PSD3: variants seen among roughly 807,000 people sequenced by gnomAD.
PSD3 encodes the protein PH and SEC7 domain-containing protein 3.
A neutral mutation model predicts 105.5 loss-of-function variants in PSD3; 49 were observed. The ratio of observed to expected loss-of-function variants is 0.46; its 90% confidence interval spans 0.37 to 0.59. PSD3 has a LOEUF of 0.59. Ranked by LOEUF, PSD3 falls within the 20% of genes least tolerant of loss-of-function variation. The pLI is 0.00. For synonymous variants in PSD3, 557 were observed against 457.8 expected (o/e 1.22, Z -2.77); for missense variants, 1,561 against 1,263.8 (o/e 1.24, Z -3.57).
At chr8:18,812,158 A>G (rs892929436) in intron 4 of PSD3, among the ~76,000 whole-genome samples, 1 of 152,204 alleles carries the variant, frequency 6.6e-6, no homozygotes, top group African/African-American at 2.4e-5. Flanking sequence ...TATGACGTCA[A>G]AAGGAATATA....
intron 11 of PSD3, among the ~76,000 whole-genome samples, chr8:18,618,912 G>T (rs550893721): frequency 6.6e-6 from 1 of 151,948 alleles, no homozygotes; most frequent in African/African-American, 2.4e-5. Flanking sequence ...GGTGGAATAC[G>T]CTTATCCATG....
chr8:18,731,117 G>T (rs1468104003), intron 9 of PSD3, among the ~76,000 whole-genome samples: 2 of 151,534 alleles, frequency 1.3e-5, no homozygotes, highest in East Asian at 1.9e-4. Flanking sequence ...TTAGCTGGAC[G>T]TGGGGGCGGG....
At chr8:18,846,433 A>G (rs1294071859) in intron 4 of PSD3, among the ~76,000 whole-genome samples, 1 of 152,190 alleles carries the variant, frequency 6.6e-6, no homozygotes, top group Non-Finnish European at 1.5e-5. Context: ...AACAGTTTCT[A>G]CCACGCCCTG....
At chr8:18,828,690 G>A (rs1479519287) in intron 4 of PSD3, among the ~76,000 whole-genome samples, 1 of 152,128 alleles carries the variant, frequency 6.6e-6, no homozygotes, top group Non-Finnish European at 1.5e-5. Flanking sequence ...GCTGGGCGAG[G>A]TGGCTCATGC....
intron 1 of PSD3, among the ~76,000 whole-genome samples, chr8:19,035,043 T>C (rs926795951): frequency 3.9e-5 from 6 of 152,160 alleles, no homozygotes; most frequent in Non-Finnish European, 5.9e-5. Context: ...AGAGTAATGA[T>C]TGCAGATGAA....
intron 12 of PSD3, among the ~76,000 whole-genome samples, chr8:18,588,502 C>T (rs925789737): frequency 6.6e-6 from 1 of 152,148 alleles, no homozygotes; most frequent in Non-Finnish European, 1.5e-5. Context: ...TACAGCTATG[C>T]TAGCATTCTT....
At chr8:18,761,150 T>C (rs55709555) in intron 9 of PSD3, among the ~76,000 whole-genome samples, 3,432 of 152,254 alleles carry the variant, frequency 0.023, 66 homozygotes, top group Middle Eastern at 0.051. Flanking sequence ...GGAAGAAGGA[T>C]AGGCCCAGGA....
rs1167762762 is a variant in PSD3 at position 18,867,988 on chromosome 8, C to G, written c.1320G>C (p.Val440=). 1.2e-6 allele frequency: 2 copies of G among 1,614,196 alleles called. No individual in the cohort carries two copies. The highest frequency in any genetic ancestry group is 1.1e-5 in the South Asian group (1 of 91,088). Residue 440 remains valine (V), a synonymous_variant, in exon 4 of 16, where the codon GTG becomes GTC. Coordinates refer to ENST00000327040, the MANE Select transcript of PSD3 (RefSeq NM_015310.4). ...AAATGGTTTCAAACTGGGAGCTGTA[C>G]ACGTCGGTGGAGTCCTCCGTATATC... ...GPGYTEDSTD[V]YSSQFETILD...
chr8:18,918,912 T>C (rs550629146), intron 2 of PSD3, among the ~76,000 whole-genome samples: 1 of 152,232 alleles, frequency 6.6e-6, no homozygotes, highest in East Asian at 1.9e-4. Flanking sequence ...GAAGACTATC[T>C]GGTCTTGCAA....
chr8:18,685,247 T>G (rs1800601805), intron 9 of PSD3, among the ~76,000 whole-genome samples: 1 of 152,132 alleles, frequency 6.6e-6, no homozygotes, highest in South Asian at 2.1e-4. Flanking sequence ...GATAATTAAT[T>G]TTTTAAAAAA....
At chr8:18,930,553 T>C (rs890607985) in intron 2 of PSD3, among the ~76,000 whole-genome samples, 3 of 150,384 alleles carry the variant, frequency 2.0e-5, no homozygotes, top group African/African-American at 7.4e-5. Context: ...CTTTAACTTC[T>C]TAACTAACTT....
intron 11 of PSD3, among the ~76,000 whole-genome samples, chr8:18,616,459 A>G (rs1805672875): frequency 6.6e-6 from 1 of 152,018 alleles, no homozygotes; most frequent in South Asian, 2.1e-4. Flanking sequence ...CCTCGTCTGG[A>G]TCTAGGAAAG....
At chr8:18,585,208 G>A (rs771088564) in intron 12 of PSD3, among the ~76,000 whole-genome samples, 3 of 152,160 alleles carry the variant, frequency 2.0e-5, no homozygotes, top group Admixed American at 6.6e-5. Context: ...GAAAGTAAGG[G>A]CCTTTATTTG....
chr8:18,722,119 G>T (rs1585728790), intron 9 of PSD3, among the ~76,000 whole-genome samples: 1 of 151,394 alleles, frequency 6.6e-6, no homozygotes, highest in African/African-American at 2.4e-5. Flanking sequence ...CTGCGGTATT[G>T]AACTTAAAAG....
intron 1 of PSD3, among the ~76,000 whole-genome samples, chr8:18,975,695 T>G (rs1412174035): frequency 6.6e-6 from 1 of 152,234 alleles, no homozygotes; most frequent in African/African-American, 2.4e-5. Flanking sequence ...GTTAGATAAC[T>G]GATTTTACAA....
chr8:18,548,383 G>T (rs1376278230), intron 15 of PSD3, among the ~76,000 whole-genome samples: 1 of 152,122 alleles, frequency 6.6e-6, no homozygotes, highest in African/African-American at 2.4e-5. Context: ...ACAGGATTGT[G>T]TTACTTAACG....
intron 1 of PSD3, among the ~76,000 whole-genome samples, chr8:18,963,537 T>C (rs1025703341): frequency 2.0e-5 from 3 of 152,156 alleles, no homozygotes; most frequent in African/African-American, 4.8e-5. Flanking sequence ...AATTTTCTTC[T>C]CTCAAACCGA....
At chr8:18,947,784 A>G (rs1190763511) in intron 1 of PSD3, among the ~76,000 whole-genome samples, 4 of 152,184 alleles carry the variant, frequency 2.6e-5, no homozygotes, top group Non-Finnish European at 4.4e-5. Context: ...TTCTGAATTC[A>G]TAATACCCGA....
chr8:18,742,272 A>C (rs1323334222), intron 9 of PSD3, among the ~76,000 whole-genome samples: 3 of 152,192 alleles, frequency 2.0e-5, no homozygotes, highest in Non-Finnish European at 4.4e-5. Context: ...AGAAAGAAAC[A>C]AACCAACCAA....
Sources: gnomAD v4.1 joint callset for allele counts (sites outside exome capture counted in the v4.1 genomes callset) on GRCh38, gnomAD v4.1.1 for gene constraint, MANE v1.5 for transcripts, NCBI Gene and HGNC (gene_info 2026-07-23, HGNC 2026-07-21) for gene names.